DOK6: variants seen among roughly 807,000 people sequenced by gnomAD.
DOK6 encodes the protein downstream of tyrosine kinase 6.
In DOK6, 22 loss-of-function variants were observed where a neutral mutation model predicts 44.0. The ratio of observed to expected loss-of-function variants is 0.50; its 90% CI spans 0.36 to 0.71. The LOEUF is 0.71. Ranked by LOEUF, DOK6 falls within the 30% of genes least tolerant of loss-of-function variation. The pLI, the probability that DOK6 is intolerant of heterozygous loss-of-function variation, is 0.00. For missense variants in DOK6, 340 were observed against 416.4 expected, an observed-to-expected ratio of 0.82 and a Z score of 1.60; for synonymous variants, 166 against 145.5, an observed-to-expected ratio of 1.14 and a Z score of -1.01.
intron 1 of DOK6, among the ~76,000 whole-genome samples, chr18:69,537,390 C>T (rs534103453): frequency 1.3e-5 from 2 of 152,044 alleles, no homozygotes; most frequent in Non-Finnish European, 2.9e-5. Context: ...TTATCACGGC[C>T]CTTTCTTCAG....
intron 1 of DOK6, chr18:69,483,891 A>C (rs1378148473): frequency 1.3e-5 from 2 of 152,080 alleles, no homozygotes; most frequent in African/African-American, 4.8e-5. Flanking sequence ...TTTAGTGATT[A>C]ATATAATTTT....
chr18:69,824,049 T>C (rs1981657010), intron 7 of DOK6, among the ~76,000 whole-genome samples: 1 of 152,118 alleles, frequency 6.6e-6, no homozygotes, highest in East Asian at 1.9e-4. Flanking sequence ...TTTTTCTTTT[T>C]TTTTAAAAAT....
intron 1 of DOK6, among the ~76,000 whole-genome samples, chr18:69,541,881 G>A (rs1982278098): frequency 6.6e-6 from 1 of 151,474 alleles, no homozygotes; most frequent in Non-Finnish European, 1.5e-5. Flanking sequence ...CAGATGTCAG[G>A]ATACCTGGAA....
intron 5 of DOK6, among the ~76,000 whole-genome samples, chr18:69,719,027 A>G (rs1025479028): frequency 6.6e-6 from 1 of 152,176 alleles, no homozygotes; most frequent in Non-Finnish European, 1.5e-5. Context: ...AAATTGTTGG[A>G]AAAAAATGTA....
intron 7 of DOK6, among the ~76,000 whole-genome samples, chr18:69,762,271 G>C (rs957055751): frequency 4.6e-5 from 7 of 152,204 alleles, no homozygotes; most frequent in African/African-American, 1.4e-4. Context: ...AGCCTGGGAA[G>C]TTGAGGCTGC....
intron 1 of DOK6, among the ~76,000 whole-genome samples, chr18:69,474,251 C>T (rs1284761699): frequency 1.3e-5 from 2 of 152,130 alleles, no homozygotes; most frequent in African/African-American, 2.4e-5. Flanking sequence ...CTTCTCCCTT[C>T]TTCTCCATCC....
intron 1 of DOK6, among the ~76,000 whole-genome samples, chr18:69,526,191 A>G (rs1981826214): frequency 6.6e-6 from 1 of 152,058 alleles, no homozygotes; most frequent in Non-Finnish European, 1.5e-5. Flanking sequence ...GAACATTTTC[A>G]TCACCATAAA....
intron 4 of DOK6, among the ~76,000 whole-genome samples, chr18:69,680,823 TTTCTTAG>T (rs1382105543): frequency 6.6e-6 from 1 of 152,208 alleles, no homozygotes; most frequent in East Asian, 1.9e-4. Flanking sequence ...TAGGTAGCTA[TTTCTTAG>T]ACAATATACT....
intron 3 of DOK6, among the ~76,000 whole-genome samples, chr18:69,656,745 A>AT (rs752176747): frequency 5.2e-4 from 79 of 152,292 alleles, no homozygotes; most frequent in Admixed American, 2.0e-3. Context: ...AGATCATTGT[A>AT]TTTTTTTCTT....
intron 5 of DOK6, among the ~76,000 whole-genome samples, chr18:69,714,072 C>T (rs908759812): frequency 2.2e-4 from 34 of 152,088 alleles, no homozygotes; most frequent in African/African-American, 7.5e-4. Context: ...TCCTTGTAAA[C>T]GTGCTGGTGA....
intron 2 of DOK6, among the ~76,000 whole-genome samples, chr18:69,586,971 C>G (rs145530800): frequency 6.6e-6 from 1 of 152,198 alleles, no homozygotes; most frequent in East Asian, 1.9e-4. Context: ...TCAGGTGACA[C>G]TGAATAAGCA....
intron 2 of DOK6, among the ~76,000 whole-genome samples, chr18:69,573,998 C>T (rs555437050): frequency 1.4e-4 from 22 of 152,066 alleles, no homozygotes; most frequent in African/African-American, 4.3e-4. Flanking sequence ...AAGTAACATA[C>T]GGGCACATCC....
Position 69,729,678 on chromosome 18 carries a change from C to T in DOK6, c.600-9287C>T, listed in dbSNP as rs115057706. The stretch of plus-strand genomic sequence containing the variant: ...CCAAAGAATAGGAATTGGCTGTCAC[C>T]GAAGTGAAAAATACACCCGCCAAGG... On this transcript the variant is annotated intron_variant, in intron 5 of 7. Coordinates refer to ENST00000382713, the MANE Select transcript of DOK6 (RefSeq NM_152721.6). Among the ~76,000 whole-genome samples, 1,103 of 152,042 alleles carry T rather than the reference C, an allele frequency of 7.3e-3. 19 individuals are homozygous for T. Among genetic ancestry groups the T allele is most frequent in the African/African-American group, 0.025 (1,057 of 41,456 alleles).
chr18:69,769,934 T>C (rs1192446109), intron 7 of DOK6, among the ~76,000 whole-genome samples: 1 of 152,070 alleles, frequency 6.6e-6, no homozygotes, highest in Non-Finnish European at 1.5e-5. Context: ...GATTGCATGG[T>C]CTGAATAGCA....
chr18:69,649,176 C>G (rs868429597), intron 3 of DOK6, among the ~76,000 whole-genome samples: 14 of 152,140 alleles, frequency 9.2e-5, no homozygotes, highest in African/African-American at 3.4e-4. Context: ...TTTCCAATAC[C>G]TATCACTAAT....
intron 7 of DOK6, among the ~76,000 whole-genome samples, chr18:69,816,472 T>G (rs1466744888): frequency 6.6e-6 from 1 of 152,164 alleles, no homozygotes; most frequent in African/African-American, 2.4e-5. Flanking sequence ...TAAAACAGAT[T>G]AGCAGTAAAG....
chr18:69,847,438 A>T lies in DOK6; in HGVS notation c.*6055A>T, dbSNP rs150408052. The T allele has an allele frequency of 2.0e-5, 3 of 152,346 alleles. No homozygotes were observed. The highest frequency in any genetic ancestry group is 7.2e-5 in the African/African-American group (3 of 41,578). 9.4% of individuals were successfully genotyped at this position (152,346 alleles called of 1,614,324 possible). ...CCCTCAAGAGACCCACAGCCTCAAA[A>T]GAGTTGCTTATTATCAGATGTCCGA... On this transcript the variant is annotated 3_prime_UTR_variant, in exon 8 of 8. Coordinates refer to ENST00000382713, the MANE Select transcript of DOK6 (RefSeq NM_152721.6).
chr18:69,810,190 C>T (rs879628082), intron 7 of DOK6, among the ~76,000 whole-genome samples: 2 of 151,862 alleles, frequency 1.3e-5, no homozygotes, highest in Non-Finnish European at 2.9e-5. Context: ...CATTTATGGT[C>T]AATTGATTTT....
intron 7 of DOK6, among the ~76,000 whole-genome samples, chr18:69,792,768 C>A (rs1980637166): frequency 6.6e-6 from 1 of 151,998 alleles, no homozygotes; most frequent in East Asian, 1.9e-4. Context: ...AAAATAAGAA[C>A]AATAAGTCCT....
Sources: gnomAD v4.1 joint callset for allele counts (sites outside exome capture counted in the v4.1 genomes callset) on GRCh38, gnomAD v4.1.1 for gene constraint, MANE v1.5 for transcripts, NCBI Gene and HGNC (gene_info 2026-07-23, HGNC 2026-07-21) for gene names.